SPDYA: variants seen among roughly 807,000 people sequenced by gnomAD.
The protein encoded by SPDYA is speedy protein A.
Under a neutral mutation model 36.7 loss-of-function variants are expected in SPDYA, and 11 were observed. The observed-to-expected ratio is 0.30, with a 90% CI of 0.19 to 0.50. SPDYA has a LOEUF of 0.50. SPDYA is among the 20% of genes least tolerant of loss of function. The probability of loss-of-function intolerance (pLI) is 0.98; values close to 1 mark genes in which losing one functional copy is unlikely to be tolerated. For synonymous variants in SPDYA, 115 were observed against 118.7 expected, an observed-to-expected ratio of 0.97 and a Z score of 0.20; for missense variants, 287 against 370.9, an observed-to-expected ratio of 0.77 and a Z score of 1.86.
chr2:28,821,826 C>T (rs1668176833), intron 4 of SPDYA, among the ~76,000 whole-genome samples: 1 of 152,092 alleles, frequency 6.6e-6, no homozygotes, highest in South Asian at 2.1e-4. Context: ...GAAAATACAG[C>T]CATGTTATTC....
At chr2:28,834,081 A>AACACACACACACACAC (rs56865803) in intron 6 of SPDYA, among the ~76,000 whole-genome samples, 1 of 146,874 alleles carries the variant, frequency 6.8e-6, no homozygotes, top group African/African-American at 2.5e-5. Context: ...AAATTGCTAA[A>AACACACACACACACAC]ACACACACAC....
At chr2:28,840,542 G>A (rs1211629721) in intron 7 of SPDYA, 73 bp downstream of exon 7, 17 of 1,530,544 alleles carry the variant, frequency 1.1e-5, no homozygotes, top group African/African-American at 4.2e-5. Flanking sequence ...CCTTTCTGGC[G>A]GGGATACATA....
intron 2 of SPDYA, 135 bp from the exon 3 acceptor site, chr2:28,815,862 T>G: frequency 1.7e-6 from 1 of 576,412 alleles, no homozygotes. Context: ...TTAATGGGAG[T>G]CACTGTCACA....
rs767660420 is a variant in SPDYA, at chr2:28,840,214, C to T, written c.595C>T (p.Arg199Cys). The T allele has an allele frequency of 2.5e-6, 4 of 1,614,156 alleles. No homozygotes were observed. Among genetic ancestry groups the T allele is most frequent in the East Asian group, 2.2e-5 (1 of 44,886 alleles). ...APTHYIWQRE[R>C]SVHHSGAVRN... Reference sequence around the variant, plus strand: ...AACCCATTATATCTGGCAAAGAGAACGTTCTGTTCATCACAGTGGAGCTGT... The same window carrying T: ...AACCCATTATATCTGGCAAAGAGAATGTTCTGTTCATCACAGTGGAGCTGT... The change falls in exon 7 of 8, where the codon CGT becomes TGT. Residue 199 changes from arginine (R) to cysteine (C), a missense_variant. Coordinates refer to ENST00000334056, the MANE Select transcript of SPDYA (RefSeq NM_182756.4).
At chr2:28,823,701 G>C (rs1668229356) in intron 5 of SPDYA, among the ~76,000 whole-genome samples, 1 of 23,412 alleles carries the variant, frequency 4.3e-5, no homozygotes, top group African/African-American at 1.5e-4. Context: ...GGGAATGCAT[G>C]AATATATATA....
In SPDYA at chr2:28,814,651, G is replaced by T. The variant is rs888301938; in HGVS notation, c.-54G>T. ...AGGGAAATTTCTGAGGGTCAGGAAG[G>T]GGAATCTGTACCTCACTCCTTGAAC... On this transcript the variant is annotated 5_prime_UTR_variant, in exon 2 of 8. Coordinates refer to ENST00000334056, the MANE Select transcript of SPDYA (RefSeq NM_182756.4). 5 of 152,142 alleles carry T rather than the reference G, an allele frequency of 3.3e-5. No homozygotes were observed. Among genetic ancestry groups the T allele is most frequent in the African/African-American group, 1.2e-4 (5 of 41,422 alleles). The allele number at this position is 152,142 out of a possible 1,614,324, so 9.4% of individuals were successfully genotyped here. A position where few individuals can be genotyped will look rare whatever the true frequency, so the allele number is the denominator to read the frequency against.
At chr2:28,822,536 T>A (rs1277183316) in intron 5 of SPDYA, 126 bp downstream of exon 5, 2 of 410,860 alleles carry the variant, frequency 4.9e-6, no homozygotes, top group Non-Finnish European at 8.8e-6. Flanking sequence ...AAATGCTGTA[T>A]GTTTTTTACT....
Position 28,811,876 on chromosome 2 carries a change from A to G in SPDYA, c.-93+929A>G, listed in dbSNP as rs1228938811. 6.6e-6 allele frequency among the ~76,000 whole-genome samples: 1 copy of G among 152,132 alleles called. No homozygotes were observed. Among genetic ancestry groups the G allele is most frequent in the Admixed American group, 6.5e-5 (1 of 15,272 alleles). ...GAGGCTGAGGCGGGAGAATCGCTTG[A>G]ACCCGGGAGGCAGAGGTGGCAGTGA... is the stretch of plus-strand genomic sequence containing the variant. On this transcript the variant is annotated intron_variant, in intron 1 of 7. Transcript: ENST00000334056. This position sits in a 1 kb window ranked among gnomAD's most constrained non-coding sequence, Gnocchi z 4.2.
At chr2:28,835,961 TG>T (rs1359394218) in intron 6 of SPDYA, among the ~76,000 whole-genome samples, 1 of 152,256 alleles carries the variant, frequency 6.6e-6, no homozygotes, top group Non-Finnish European at 1.5e-5. Context: ...AAAATGTAAC[TG>T]TTCTATACAT....
chr2:28,840,752 A>G, intron 7 of SPDYA: 1 of 1,102,198 alleles, frequency 9.1e-7, no homozygotes, highest in East Asian at 5.7e-5. Context: ...TGAAATGTTT[A>G]TTTTATTCAA....
intron 1 of SPDYA, among the ~76,000 whole-genome samples, chr2:28,814,215 C>A (rs1337548297): frequency 6.6e-6 from 1 of 152,098 alleles, no homozygotes; most frequent in Non-Finnish European, 1.5e-5. Context: ...ACTTTAAAAA[C>A]TGAAGGAGCA....
rs777640938 is a variant in SPDYA at position 28,829,176 on chromosome 2, G to A, written c.409G>A (p.Glu137Lys). Residue 137 changes from glutamate (E) to lysine (K), a missense_variant, in exon 6 of 8, where the codon GAA (glutamate) becomes AAA (lysine). Coordinates refer to ENST00000334056, the MANE Select transcript of SPDYA (RefSeq NM_182756.4). ...LYLANTVEED[E>K]EETKYEIFPW... ...TCTGGCTAATACAGTTGAAGAAGATGAAGAAGAAACCAAGTACGAAATTTT... is the reference window on the plus strand; with the variant it reads ...TCTGGCTAATACAGTTGAAGAAGATAAAGAAGAAACCAAGTACGAAATTTT... 1.2e-6 allele frequency: 2 copies of A among 1,613,702 alleles called. No homozygotes were observed. Among genetic ancestry groups the A allele is most frequent in the Admixed American group, 1.7e-5 (1 of 59,836 alleles).
At chr2:28,835,402 T>C (rs1228811026) in intron 6 of SPDYA, among the ~76,000 whole-genome samples, 2 of 152,220 alleles carry the variant, frequency 1.3e-5, no homozygotes, top group East Asian at 3.9e-4. Context: ...CACGCCCGGC[T>C]ATTTTGTATT....
At chr2:28,830,652 G>A (rs552293371) in intron 6 of SPDYA, among the ~76,000 whole-genome samples, 8 of 152,108 alleles carry the variant, frequency 5.3e-5, no homozygotes, top group Non-Finnish European at 1.2e-4. Context: ...TAAAGTATGT[G>A]AAATTTCAGG....
chr2:28,840,085 A>C, intron 6 of SPDYA, 87 bp from the exon 7 acceptor site: 1 of 1,235,944 alleles, frequency 8.1e-7, no homozygotes, highest in Non-Finnish European at 1.1e-6. Context: ...CTTTAGAGAC[A>C]GTTGTTCTTG....
chr2:28,840,572 AAT>A (rs1668726606), intron 7 of SPDYA, 103 bp downstream of exon 7: 3 of 1,463,246 alleles, frequency 2.1e-6, no homozygotes, highest in Non-Finnish European at 2.7e-6. Context: ...ATACTCCAAC[AAT>A]ATGAGTTAAA....
At chr2:28,837,817 C>G (rs1398613399) in intron 6 of SPDYA, among the ~76,000 whole-genome samples, 1 of 150,372 alleles carries the variant, frequency 6.7e-6, no homozygotes, top group African/African-American at 2.5e-5. Context: ...ATTCTCCTCC[C>G]TGCCAGGGAG....
intron 7 of SPDYA, 125 bp downstream of exon 7, chr2:28,840,594 A>C: frequency 7.0e-7 from 1 of 1,422,956 alleles, no homozygotes; most frequent in Non-Finnish European, 9.1e-7. Context: ...ATTAATCTTG[A>C]AACTTTCTCC....
rs1558320491 is a variant in SPDYA, at chr2:28,816,069, A to G, written c.55A>G (p.Lys19Glu). ...ETPPTVTVYV[K>E]SGSNRSHQPK... ...ACCACCTACTGTCACTGTTTATGTAAAATCAGGGTCAAATAGATCACATCA... is the reference window on the plus strand; with the variant it reads ...ACCACCTACTGTCACTGTTTATGTAGAATCAGGGTCAAATAGATCACATCA... The change falls in exon 3 of 8, where the codon AAA becomes GAA. Residue 19 changes from lysine (K) to glutamate (E), a missense_variant. Lys to Glu is a moderately conservative substitution (Grantham distance 56, BLOSUM62 1). Coordinates refer to ENST00000334056, the MANE Select transcript of SPDYA (RefSeq NM_182756.4). The G allele has an allele frequency of 2.5e-6, 4 of 1,614,024 alleles. No homozygotes were observed. The South Asian group carries it at 3.3e-5, about 13-fold the overall frequency.
Sources: gnomAD v4.1 joint callset for allele counts (sites outside exome capture counted in the v4.1 genomes callset) on GRCh38, gnomAD v4.1.1 for gene constraint, Gnocchi (gnomAD v3.1) non-coding constraint, MANE v1.5 for transcripts, NCBI Gene and HGNC (gene_info 2026-07-23, HGNC 2026-07-21) for gene names.